CFAP54: variants seen among roughly 807,000 people sequenced by gnomAD.
CFAP54 encodes the protein cilia and flagella associated protein 54, also known as cilia- and flagella-associated protein 54.
Under a neutral mutation model 370.4 loss-of-function variants are expected in CFAP54, and 290 were observed. That is an observed-to-expected ratio of 0.78 (90% CI 0.71 to 0.86). The LOEUF (loss-of-function observed/expected upper bound fraction) is 0.86, where lower values mean the gene tolerates loss of function less well. Ranked by LOEUF, CFAP54 falls within the 40% of genes least tolerant of loss-of-function variation. The pLI is 0.00. For missense variants in CFAP54, 3,399 were observed against 3,528.7 expected (o/e 0.96, Z 0.93); for synonymous variants, 1,206 against 1,236.5 (o/e 0.98, Z 0.52).
rs566410116 is a variant in CFAP54, at chr12:96,718,645, A to C, written c.6804+123A>C. ...GAGAGCAGTTACCTTTTCTTGTGTA[A>C]GAATGGGTTGGAGCCAGAGGTGGAG... On this transcript the variant is annotated intron_variant, in intron 49 of 67. Coordinates refer to ENST00000524981, the MANE Select transcript of CFAP54 (RefSeq NM_001306084.2). 9 of 603,214 alleles carry C rather than the reference A, an allele frequency of 1.5e-5. No individual in the cohort carries two copies. The Admixed American group carries it at 2.7e-4, about 18-fold the overall frequency. The allele number at this position is 603,214 out of a possible 1,614,324, so 37.4% of individuals were successfully genotyped here.
intron 65 of CFAP54, among the ~76,000 whole-genome samples, chr12:96,827,154 A>ATTATATGTGATTATATATAGTGTGCAG (rs1959127324): frequency 7.6e-5 from 2 of 26,468 alleles, no homozygotes; most frequent in African/African-American, 1.9e-4. Flanking sequence ...ATAATGTGCA[A>ATTATATGTGATTATATATAGTGTGCAG]TTATATGTGA....
chr12:96,645,451 G>T (rs531192283), intron 33 of CFAP54: 38 of 189,758 alleles, frequency 2.0e-4, no homozygotes, highest in Middle Eastern at 4.9e-3. Flanking sequence ...AATAAAAGAG[G>T]ATACAAACCA....
At chr12:96,758,440 C>G (rs548548938) in intron 58 of CFAP54, among the ~76,000 whole-genome samples, 1 of 152,094 alleles carries the variant, frequency 6.6e-6, no homozygotes, top group Non-Finnish European at 1.5e-5. Context: ...CATCAGATCT[C>G]CTGAGATTTA....
At chr12:96,628,460 A>G (rs551008727) in intron 30 of CFAP54, among the ~76,000 whole-genome samples, 1 of 152,218 alleles carries the variant, frequency 6.6e-6, no homozygotes, top group Admixed American at 6.5e-5. Context: ...CTCTTTCTGG[A>G]AGAACATAAC....
intron 65 of CFAP54, among the ~76,000 whole-genome samples, chr12:96,826,543 T>C (rs1472220049): frequency 1.6e-4 from 14 of 89,940 alleles, no homozygotes; most frequent in Admixed American, 5.3e-4. Context: ...ATTATATATA[T>C]AATTTATATA....
chr12:96,573,680 A>T (rs1291425499), intron 19 of CFAP54, among the ~76,000 whole-genome samples: 1 of 152,206 alleles, frequency 6.6e-6, no homozygotes, highest in East Asian at 1.9e-4. Context: ...AATGAGTGAA[A>T]AAGTGGAGGC....
chr12:96,847,372 G>A (rs866501287), intron 66 of CFAP54, among the ~76,000 whole-genome samples: 6 of 151,696 alleles, frequency 4.0e-5, no homozygotes, highest in South Asian at 2.1e-4. Context: ...GCACCATCCC[G>A]GAAGCTCCCC....
chr12:96,726,319 G>C (rs1021431666), intron 50 of CFAP54, among the ~76,000 whole-genome samples: 2 of 152,084 alleles, frequency 1.3e-5, no homozygotes, highest in African/African-American at 4.8e-5. Context: ...ACTCTTTTTG[G>C]TTGGTAAGCT....
chr12:96,633,536 A>G (rs938936601), intron 32 of CFAP54, among the ~76,000 whole-genome samples: 4 of 152,210 alleles, frequency 2.6e-5, no homozygotes, highest in African/African-American at 9.6e-5. Context: ...CCACCACAGT[A>G]TGTAACCTTT....
At chr12:96,661,111 G>A (rs1399300079) in intron 38 of CFAP54, among the ~76,000 whole-genome samples, 1 of 151,918 alleles carries the variant, frequency 6.6e-6, no homozygotes, top group African/African-American at 2.4e-5. Context: ...AAGCATAATT[G>A]ATTAAATCAT....
In CFAP54 at chr12:96,530,523, C is replaced by G. The variant is rs148770974; in HGVS notation, c.1357+3079C>G. Among the ~76,000 whole-genome samples the G allele has an allele frequency of 2.5e-3, 379 of 152,182 alleles. 1 individual carries two copies. The highest frequency in any genetic ancestry group is 8.7e-3 in the African/African-American group (363 of 41,532). On this transcript the variant is annotated intron_variant, in intron 9 of 67. Coordinates refer to ENST00000524981, the MANE Select transcript of CFAP54 (RefSeq NM_001306084.2). ...AAAAATTTTTTTTCACTTGTTACTGCTGAGTATTATTTTATGGTATGGATA... is the reference window on the plus strand; with the variant it reads ...AAAAATTTTTTTTCACTTGTTACTGGTGAGTATTATTTTATGGTATGGATA...
chr12:96,743,930 T>C lies in CFAP54; in HGVS notation c.7557+20T>C. 2 of 1,605,078 alleles carry C rather than the reference T, an allele frequency of 1.2e-6. No homozygotes were observed. The highest frequency in any genetic ancestry group is 4.5e-5 in the East Asian group (2 of 44,770). ...GAACAGGTGAGAATGCTTTTGTGTC[T>C]GCGAGACATAGAAACTTACTTTTCT... is the stretch of plus-strand genomic sequence containing the variant. On this transcript the variant is annotated intron_variant, in intron 54 of 67. Coordinates refer to ENST00000524981, the MANE Select transcript of CFAP54 (RefSeq NM_001306084.2).
intron 66 of CFAP54, among the ~76,000 whole-genome samples, chr12:96,852,788 T>C (rs1959585378): frequency 6.6e-6 from 1 of 152,100 alleles, no homozygotes; most frequent in African/African-American, 2.4e-5. Context: ...TTCCTGTATA[T>C]ATGAATGAGA....
intron 17 of CFAP54, among the ~76,000 whole-genome samples, chr12:96,557,949 A>G (rs1339860049): frequency 3.3e-5 from 5 of 152,158 alleles, no homozygotes; most frequent in Admixed American, 6.6e-5. Context: ...TGAAGACATT[A>G]TGTATAACTC....
At chr12:96,686,052 T>G (rs1453492500) in intron 42 of CFAP54, among the ~76,000 whole-genome samples, 1 of 152,156 alleles carries the variant, frequency 6.6e-6, no homozygotes, top group African/African-American at 2.4e-5. Flanking sequence ...ACTGCATCAG[T>G]TTGCTAGGGC....
At chr12:96,871,048 T>G (rs1230411861) in intron 67 of CFAP54, among the ~76,000 whole-genome samples, 4 of 152,130 alleles carry the variant, frequency 2.6e-5, no homozygotes, top group Non-Finnish European at 5.9e-5. Flanking sequence ...CCAGAGTAGT[T>G]AGAAATTAAG....
intron 22 of CFAP54, among the ~76,000 whole-genome samples, chr12:96,582,149 G>T (rs903191474): frequency 6.6e-6 from 1 of 152,082 alleles, no homozygotes; most frequent in Non-Finnish European, 1.5e-5. Context: ...CTTCCCAGAG[G>T]TATTATGAGT....
At chr12:96,707,045 C>A (rs1215280143) in intron 47 of CFAP54, among the ~76,000 whole-genome samples, 2 of 151,394 alleles carry the variant, frequency 1.3e-5, no homozygotes, top group East Asian at 3.9e-4. Flanking sequence ...GAAGGAAGAG[C>A]ACTGAGTTCC....
At chr12:96,773,361 C>T (rs1958482611) in intron 60 of CFAP54, among the ~76,000 whole-genome samples, 1 of 152,244 alleles carries the variant, frequency 6.6e-6, no homozygotes, top group Non-Finnish European at 1.5e-5. Flanking sequence ...CTTGAATCAC[C>T]TGTCTCCCTC....
Sources: gnomAD v4.1 joint callset for allele counts (sites outside exome capture counted in the v4.1 genomes callset) on GRCh38, gnomAD v4.1.1 for gene constraint, MANE v1.5 for transcripts, NCBI Gene and HGNC (gene_info 2026-07-23, HGNC 2026-07-21) for gene names.